The following LRBA variants were observed in gnomAD, a reference collection of about 807,000 sequenced individuals.
LRBA encodes LPS responsive beige-like anchor protein.
In LRBA, 176 loss-of-function variants were observed where a neutral mutation model predicts 330.0. That is an observed-to-expected ratio of 0.53 (90% CI 0.47 to 0.60). LRBA has a LOEUF of 0.60. Among genes scored for constraint, LRBA ranks in the 20% least tolerant of loss-of-function variants. The probability of loss-of-function intolerance (pLI) is 0.00; values close to 1 mark genes in which losing one functional copy is unlikely to be tolerated. For synonymous variants in LRBA, 1,230 were observed against 1,193.0 expected, an observed-to-expected ratio of 1.03 and a Z score of -0.64; for missense variants, 3,259 against 3,444.8, an observed-to-expected ratio of 0.95 and a Z score of 1.35.
At chr4:150,849,669 G>A in intron 24 of LRBA, 94 bp from the exon 25 acceptor site, 1 of 970,506 alleles carries the variant, frequency 1.0e-6, no homozygotes, top group Middle Eastern at 2.9e-4. Context: ...AGGTGCTTTT[G>A]CTTCATCTTG....
At chr4:150,579,074 T>G (rs898781933) in intron 40 of LRBA, 1 of 356,948 alleles carries the variant, frequency 2.8e-6, no homozygotes, top group African/African-American at 2.1e-5. Context: ...TGAATCGGTC[T>G]GAAGACTTGA....
chr4:150,537,405 C>CATTG (rs1764776577), intron 40 of LRBA, among the ~76,000 whole-genome samples: 1 of 152,132 alleles, frequency 6.6e-6, no homozygotes, highest in East Asian at 1.9e-4. Flanking sequence ...CCATTCTGGA[C>CATTG]ATTGGCCTTG....
At chr4:150,349,916 G>T in intron 48 of LRBA, 76 bp downstream of exon 48, 1 of 1,247,430 alleles carries the variant, frequency 8.0e-7, no homozygotes. Flanking sequence ...ATCAAAGGAT[G>T]GGGGAGGTGT....
intron 22 of LRBA, among the ~76,000 whole-genome samples, chr4:150,863,375 A>G (rs1752214521): frequency 6.6e-6 from 1 of 152,048 alleles, no homozygotes; most frequent in South Asian, 2.1e-4. Flanking sequence ...AGAAACTAAG[A>G]CACAAGCCAG....
intron 47 of LRBA, among the ~76,000 whole-genome samples, chr4:150,372,560 C>CAAAAAA: frequency 9.8e-6 from 1 of 101,670 alleles, no homozygotes; most frequent in African/African-American, 3.7e-5. Flanking sequence ...ATCCCATCTC[C>CAAAAAA]AAAAAAAAAA....
intron 56 of LRBA, among the ~76,000 whole-genome samples, chr4:150,272,728 A>C (rs1404351897): frequency 2.0e-5 from 3 of 151,978 alleles, no homozygotes; most frequent in Non-Finnish European, 4.4e-5. Context: ...ATTGAAGATC[A>C]ACTTAATGAA....
At chr4:150,785,377 T>C (rs770558334) in intron 34 of LRBA, among the ~76,000 whole-genome samples, 11 of 152,186 alleles carry the variant, frequency 7.2e-5, no homozygotes, top group Admixed American at 2.0e-4. Flanking sequence ...TCTTATGACC[T>C]CTGGAAAAAT....
chr4:150,529,829 A>G (rs1173833911), intron 40 of LRBA, among the ~76,000 whole-genome samples: 1 of 152,172 alleles, frequency 6.6e-6, no homozygotes, highest in African/African-American at 2.4e-5. Context: ...GAAACATACA[A>G]ATAAAGTAGA....
At chr4:150,753,149 C>T (rs1047716595) in intron 35 of LRBA, among the ~76,000 whole-genome samples, 1 of 152,176 alleles carries the variant, frequency 6.6e-6, no homozygotes, top group Non-Finnish European at 1.5e-5. Context: ...CTGCAATGTC[C>T]TCTGTATCCG....
chr4:150,530,172 A>G (rs1763908803), intron 40 of LRBA, among the ~76,000 whole-genome samples: 1 of 152,218 alleles, frequency 6.6e-6, no homozygotes, highest in Admixed American at 6.5e-5. Context: ...ATTTAAGAAA[A>G]GAACTGTCCA....
chr4:151,011,077 C>T (rs1045854126), intron 2 of LRBA, among the ~76,000 whole-genome samples: 4 of 151,526 alleles, frequency 2.6e-5, no homozygotes, highest in African/African-American at 9.7e-5. Context: ...GTCCCAGCTA[C>T]TTGGGAGGCT....
Position 150,742,230 on chromosome 4 carries a change from C to T in LRBA, c.5646-6864G>A, listed in dbSNP as rs149407788. 7.3e-3 allele frequency among the ~76,000 whole-genome samples: 1,103 copies of T among 151,062 alleles called. 10 individuals carry two copies. Among genetic ancestry groups the T allele is most frequent in the African/African-American group, 0.025 (1,020 of 41,130 alleles). ...GTGCAATTATGGCTCACAGAAACCTCAACCTCCCAAGCTCAAGTGATCTGC... is the reference window on the plus strand; with the variant it reads ...GTGCAATTATGGCTCACAGAAACCTTAACCTCCCAAGCTCAAGTGATCTGC... On this transcript the variant is annotated intron_variant, in intron 35 of 56. Transcript: ENST00000651943.
intron 2 of LRBA, among the ~76,000 whole-genome samples, chr4:150,964,754 C>T (rs960096783): frequency 3.9e-5 from 6 of 152,086 alleles, no homozygotes; most frequent in Non-Finnish European, 8.8e-5. Flanking sequence ...TGCTGACCTT[C>T]CCTCCACTAT....
chr4:150,338,308 ATTTAAAAC>A (rs540482108), intron 48 of LRBA, among the ~76,000 whole-genome samples: 26 of 152,190 alleles, frequency 1.7e-4, no homozygotes, highest in Non-Finnish European at 3.4e-4. Context: ...TCAAAAGGAA[ATTTAAAAC>A]TTTAATTAAT....
At chr4:150,677,203 A>G (rs920052652) in intron 37 of LRBA, among the ~76,000 whole-genome samples, 1 of 152,088 alleles carries the variant, frequency 6.6e-6, no homozygotes, top group Non-Finnish European at 1.5e-5. Flanking sequence ...CAGAAATAAC[A>G]TAAGGCTAAA....
intron 40 of LRBA, among the ~76,000 whole-genome samples, chr4:150,500,876 A>G (rs1298040068): frequency 6.6e-6 from 1 of 152,236 alleles, no homozygotes; most frequent in African/African-American, 2.4e-5. Context: ...AATCCCCAGG[A>G]TACATTTTTC....
intron 2 of LRBA, among the ~76,000 whole-genome samples, chr4:150,979,818 T>C (rs1183131170): frequency 2.2e-4 from 33 of 152,266 alleles, no homozygotes; most frequent in Admixed American, 2.2e-3. Context: ...AGTAATGAGA[T>C]TGAAGCCATA....
At position 151,002,888 on chromosome 4, in the gene LRBA, C is replaced by T. The variant is rs1743541058; in HGVS notation, c.216+11539G>A. Among the ~76,000 whole-genome samples the T allele has an allele frequency of 2.0e-5, 3 of 151,922 alleles. No individual in the cohort carries two copies. In the Middle Eastern group the frequency reaches 0.01, roughly 517 times the overall value. ...AATTAGCTGGGTGTAGTGGCACCTGCCTGTGGTCCCAGCTACTCAGGAGGC... is the reference window on the plus strand; with the variant it reads ...AATTAGCTGGGTGTAGTGGCACCTGTCTGTGGTCCCAGCTACTCAGGAGGC... On this transcript the variant is annotated intron_variant, in intron 2 of 56. Coordinates refer to ENST00000651943, the MANE Select transcript of LRBA (RefSeq NM_001364905.1).
chr4:150,836,329 G>A (rs1748067253), intron 28 of LRBA, among the ~76,000 whole-genome samples: 1 of 152,196 alleles, frequency 6.6e-6, no homozygotes, highest in African/African-American at 2.4e-5. Flanking sequence ...ATGAGTTAGG[G>A]AGGATTCCCT....
Sources: gnomAD v4.1 joint callset for allele counts (sites outside exome capture counted in the v4.1 genomes callset) on GRCh38, gnomAD v4.1.1 for gene constraint, MANE v1.5 for transcripts, NCBI Gene and HGNC (gene_info 2026-07-23, HGNC 2026-07-21) for gene names.